Variants in IL1RAPL1 observed in about 807,000 individuals in gnomAD.
IL1RAPL1 encodes the protein interleukin-1 receptor accessory protein-like 1.
In IL1RAPL1, 3 loss-of-function variants were observed where a neutral mutation model predicts 48.4. The observed-to-expected ratio is 0.06, with a 90% CI of 0.03 to 0.16. The LOEUF (loss-of-function observed/expected upper bound fraction) is 0.16, where lower values mean the gene tolerates loss of function less well. Among genes scored for constraint, IL1RAPL1 ranks in the 10% least tolerant of loss-of-function variants. The pLI is 1.00. For synonymous variants in IL1RAPL1, 185 were observed against 187.7 expected, an observed-to-expected ratio of 0.99 and a Z score of 0.12; for missense variants, 349 against 530.6, an observed-to-expected ratio of 0.66 and a Z score of 3.36.
intron 2 of IL1RAPL1, among the ~76,000 whole-genome samples, chrX:29,252,305 G>A (rs933846864): frequency 1.9e-3 from 216 of 112,317 alleles, no homozygotes; most frequent in Non-Finnish European, 3.0e-3. Context: ...GAAAATCAGG[G>A]CCATAGAGAA....
At chrX:29,416,861 C>G (rs752350355) in intron 5 of IL1RAPL1, among the ~76,000 whole-genome samples, 6 of 111,173 alleles carry the variant, frequency 5.4e-5, no homozygotes, top group Admixed American at 1.9e-4. Context: ...GAGGCATGTT[C>G]AGGCATAGAC....
At chrX:29,918,246 A>T (rs1199130338) in intron 7 of IL1RAPL1, among the ~76,000 whole-genome samples, 16 of 94,301 alleles carry the variant, frequency 1.7e-4, no homozygotes, top group Non-Finnish European at 3.1e-4. Flanking sequence ...TTTAAAAAAA[A>T]AAAAAAAAAA....
At chrX:29,498,167 C>T (rs933684927) in intron 5 of IL1RAPL1, among the ~76,000 whole-genome samples, 8 of 111,941 alleles carry the variant, frequency 7.1e-5, no homozygotes, top group African/African-American at 2.6e-4. Flanking sequence ...CTTTGACAGT[C>T]GTGATTTTTC....
At chrX:29,475,086 C>T (rs762606851) in intron 5 of IL1RAPL1, among the ~76,000 whole-genome samples, 203 of 112,324 alleles carry the variant, frequency 1.8e-3, no homozygotes, top group Non-Finnish European at 2.9e-3. Context: ...ATATTTGTTA[C>T]GTGAATATTC....
intron 2 of IL1RAPL1, among the ~76,000 whole-genome samples, chrX:29,151,230 C>T (rs1358396872): frequency 8.9e-6 from 1 of 112,358 alleles, no homozygotes; most frequent in African/African-American, 3.2e-5. Context: ...TGGATGGTTC[C>T]AAAATCCTAC....
chrX:29,644,329 T>C (rs938110556), intron 5 of IL1RAPL1, among the ~76,000 whole-genome samples: 6 of 111,965 alleles, frequency 5.4e-5, no homozygotes, highest in African/African-American at 1.6e-4. Flanking sequence ...GAATTAATTC[T>C]TTGTCAAGTG....
chrX:29,173,333 C>G (rs1165930174), intron 2 of IL1RAPL1, among the ~76,000 whole-genome samples: 1 of 111,822 alleles, frequency 8.9e-6, no homozygotes, highest in East Asian at 2.8e-4. Context: ...ATGGGAAATA[C>G]TTTTTGGTGC....
intron 5 of IL1RAPL1, among the ~76,000 whole-genome samples, chrX:29,580,645 A>G (rs1172013315): frequency 9.0e-6 from 1 of 111,622 alleles, no homozygotes; most frequent in African/African-American, 3.3e-5. Context: ...TCTAAGATGT[A>G]GGTTGAGTCT....
At chrX:28,655,740 TA>T (rs1934741651) in intron 1 of IL1RAPL1, among the ~76,000 whole-genome samples, 1 of 112,159 alleles carries the variant, frequency 8.9e-6, no homozygotes, top group Admixed American at 9.5e-5. Flanking sequence ...ATAAAGGATG[TA>T]AAACTGAAAA....
chrX:29,908,141 G>A (rs1460564321), intron 6 of IL1RAPL1, among the ~76,000 whole-genome samples: 2 of 110,747 alleles, frequency 1.8e-5, no homozygotes, highest in South Asian at 3.9e-4. Flanking sequence ...CCCCACTATG[G>A]AAAACTGGCT....
rs755227157 is a variant in IL1RAPL1 at position 29,843,041 on chromosome X, G to A, written c.779-74423G>A. On this transcript the variant is annotated intron_variant, in intron 6 of 10. Transcript: ENST00000378993. ...TATAAATATTTCACTACAGATTGCT[G>A]TATATTCGCTGCTCACTGTTGAATT... 3.6e-5 allele frequency among the ~76,000 whole-genome samples: 4 copies of A among 112,298 alleles called. No homozygotes were observed. The South Asian group carries it at 1.5e-3, about 41-fold the overall frequency.
chrX:29,052,865 G>T (rs1193772536), intron 2 of IL1RAPL1, among the ~76,000 whole-genome samples: 1 of 111,025 alleles, frequency 9.0e-6, no homozygotes, highest in Non-Finnish European at 1.9e-5. Context: ...TAGAGACAGG[G>T]TTTCTCCATG....
intron 6 of IL1RAPL1, among the ~76,000 whole-genome samples, chrX:29,863,058 A>C (rs1931624587): frequency 9.1e-6 from 1 of 110,355 alleles, no homozygotes; most frequent in Non-Finnish European, 1.9e-5. Context: ...TAGTCACAAA[A>C]GACCATGAAC....
intron 3 of IL1RAPL1, among the ~76,000 whole-genome samples, chrX:29,377,660 T>G (rs1027310738): frequency 7.1e-5 from 8 of 112,395 alleles, no homozygotes; most frequent in South Asian, 7.2e-4. Context: ...GAAATTTATT[T>G]TCTCTAAGAG....
At chrX:28,652,513 A>G (rs1934694766) in intron 1 of IL1RAPL1, among the ~76,000 whole-genome samples, 1 of 111,311 alleles carries the variant, frequency 9.0e-6, no homozygotes, top group African/African-American at 3.3e-5. Flanking sequence ...TCTTTTCAGG[A>G]GTCTGATTTG....
intron 6 of IL1RAPL1, among the ~76,000 whole-genome samples, chrX:29,712,121 C>T (rs1384646519): frequency 2.8e-5 from 3 of 106,383 alleles, no homozygotes; most frequent in South Asian, 4.1e-4. Context: ...TTGTAAGTGA[C>T]GTGAAACTAT....
intron 5 of IL1RAPL1, among the ~76,000 whole-genome samples, chrX:29,459,241 A>C (rs1934775220): frequency 8.9e-6 from 1 of 111,903 alleles, no homozygotes; most frequent in Non-Finnish European, 1.9e-5. Flanking sequence ...TGGATAGTTT[A>C]AGAAATTGAA....
intron 2 of IL1RAPL1, among the ~76,000 whole-genome samples, chrX:29,212,560 C>T (rs1046617995): frequency 1.8e-5 from 2 of 111,763 alleles, no homozygotes; most frequent in Admixed American, 9.5e-5. Flanking sequence ...CCACCCACCT[C>T]GGCCTCCCAA....
intron 6 of IL1RAPL1, among the ~76,000 whole-genome samples, chrX:29,866,591 CA>C (rs754416087): frequency 4.8e-5 from 5 of 103,163 alleles, no homozygotes; most frequent in Admixed American, 3.2e-4. Context: ...AGGTATGAAG[CA>C]AAAAAAAATC....
Sources: allele counts gnomAD v4.1 joint callset (sites outside exome capture counted in the v4.1 genomes callset), GRCh38; gene constraint gnomAD v4.1.1; transcripts MANE v1.5; gene names NCBI Gene and HGNC (gene_info 2026-07-23, HGNC 2026-07-21).